Variants in PITPNM1 observed in about 807,000 individuals in gnomAD.
PITPNM1 encodes membrane-associated phosphatidylinositol transfer protein 1.
A neutral mutation model predicts 133.3 loss-of-function variants in PITPNM1; 74 were observed. That is an observed-to-expected ratio of 0.56 (90% CI 0.46 to 0.67). The LOEUF (loss-of-function observed/expected upper bound fraction) is 0.67. Among genes scored for constraint, PITPNM1 ranks in the 30% least tolerant of loss-of-function variants. The pLI, the probability that PITPNM1 is intolerant of heterozygous loss-of-function variation, is 0.00. For synonymous variants in PITPNM1, 738 were observed against 741.4 expected, an observed-to-expected ratio of 1.00 and a Z score of 0.08; for missense variants, 1,398 against 1,739.5, an observed-to-expected ratio of 0.80 and a Z score of 3.49.
intron 17 of PITPNM1, 52 bp downstream of exon 17, chr11:67,495,025 G>A (rs1490556316): frequency 3.1e-6 from 5 of 1,606,802 alleles, no homozygotes; most frequent in Non-Finnish European, 2.6e-6. Flanking sequence ...CCGGCCCAAA[G>A]CAGCCCATCC....
chr11:67,492,792 C>G (rs965946861), intron 23 of PITPNM1, 142 bp downstream of exon 23: 2 of 1,097,302 alleles, frequency 1.8e-6, no homozygotes, highest in African/African-American at 3.2e-5. Context: ...GCTCATGGCC[C>G]TTGTCCTCGG....
chr11:67,492,621 A>G (rs546167831), intron 23 of PITPNM1, among the ~76,000 whole-genome samples: 8 of 152,378 alleles, frequency 5.3e-5, no homozygotes, highest in Non-Finnish European at 1.0e-4. Context: ...ATAAGCTGAC[A>G]TGGGCAGTGC....
upstream of PITPNM1, among the ~76,000 whole-genome samples, chr11:67,505,987 G>A (rs1866499486): frequency 6.6e-6 from 1 of 152,222 alleles, no homozygotes; most frequent in Admixed American, 6.5e-5. The surrounding 1 kb of genome is among the most constrained non-coding windows in gnomAD (Gnocchi z 5.8). Flanking sequence ...GGGTTCATGG[G>A]ATCCCACCCA....
rs909982917 is a variant in PITPNM1, at chr11:67,500,318, A to C, written c.744T>G (p.Thr248=). 1 of 1,611,954 alleles carries C rather than the reference A, an allele frequency of 6.2e-7. No homozygotes were observed. Among genetic ancestry groups the C allele is most frequent in the African/African-American group, 1.3e-5 (1 of 75,054 alleles). Residue 248 remains threonine, a synonymous_variant, in exon 6 of 24, where the codon ACT becomes ACG. Transcript: ENST00000356404. ...MADIRALEEE[T]ARMLAQRMAK... ...CCATGCGCTGGGCCAGCATGCGAGC[A>C]GTCTCCTCTTCCAGTGCCCGGATGT...
intron 19 of PITPNM1, 80 bp downstream of exon 19, chr11:67,494,164 C>A: frequency 6.3e-7 from 1 of 1,576,022 alleles, no homozygotes; most frequent in South Asian, 1.1e-5. Context: ...TCTAGGGGCA[C>A]AACCACCAGG....
rs772201865 is a variant in PITPNM1, at chr11:67,504,205, C to T, written c.-25G>A. 2 of 1,562,680 alleles carry T rather than the reference C, an allele frequency of 1.3e-6. No homozygotes were observed. The highest frequency in any genetic ancestry group is 1.7e-6 in the Non-Finnish European group (2 of 1,154,116). ...TCCTGAAGGCGCTCGGCGGGCCGCGCGCGGCCTCCGCTCCTCCTGGCGCAG... is the reference window on the plus strand; with the variant it reads ...TCCTGAAGGCGCTCGGCGGGCCGCGTGCGGCCTCCGCTCCTCCTGGCGCAG... On this transcript the variant is annotated 5_prime_UTR_variant, in exon 2 of 24. Coordinates refer to ENST00000356404, the MANE Select transcript of PITPNM1 (RefSeq NM_004910.3). The surrounding 1 kb of genome is among the most constrained non-coding windows in gnomAD (Gnocchi z 5.4).
In PITPNM1 at chr11:67,502,704, C is replaced by T; in HGVS notation, c.93G>A (p.Glu31=). ...CGCCGCTGCCCTCACCACTAGACTC[C>T]TCCCGGCTCTTTTTCTGTGGCCCAA... ...QLYMIQKKSR[E]ESSGEGSGVE... Residue 31 remains glutamate, a synonymous_variant, in exon 3 of 24, where the codon GAG becomes GAA. Transcript: ENST00000356404. This position sits in a 1 kb window ranked among gnomAD's most constrained non-coding sequence, Gnocchi z 5.9. 6.2e-7 allele frequency: 1 copy of T among 1,612,442 alleles called. No homozygotes were observed.
chr11:67,497,550 T>G lies in PITPNM1; in HGVS notation c.1912A>C (p.Ser638Arg), dbSNP rs755363409. 1 of 1,610,272 alleles carries G rather than the reference T, an allele frequency of 6.2e-7. No homozygotes were observed. Reference protein sequence around the residue: ...PPQRIPSDMASPEPEGSQNSL... With the variant: ...PPQRIPSDMARPEPEGSQNSL... Reference sequence around the variant, plus strand: ...TTCTGAGAGCCCTCGGGCTCAGGACTGGCCATGTCGCTGGGGATGCGCTGG... The same window carrying G: ...TTCTGAGAGCCCTCGGGCTCAGGACGGGCCATGTCGCTGGGGATGCGCTGG... The change falls in exon 13 of 24, where the codon AGT becomes CGT. Residue 638 changes from serine to arginine, a missense_variant. Ser to Arg is a moderately radical substitution (Grantham distance 110, BLOSUM62 -1). This residue lies in a region of PITPNM1 where 574 missense variants were observed against 698.7 expected (regional missense o/e 0.82). Coordinates refer to ENST00000356404, the MANE Select transcript of PITPNM1 (RefSeq NM_004910.3).
Position 67,495,712 on chromosome 11 carries a change from C to T in PITPNM1, c.2318-110G>A, listed in dbSNP as rs1866097717. On this transcript the variant is annotated intron_variant, in intron 15 of 23. Coordinates refer to ENST00000356404, the MANE Select transcript of PITPNM1 (RefSeq NM_004910.3). Reference sequence around the variant, plus strand: ...CTTCCTGTGGCCCCTCTGGTCAGGTCCTGGCTGAGGCTGCACTGTGGCATT... The same window carrying T: ...CTTCCTGTGGCCCCTCTGGTCAGGTTCTGGCTGAGGCTGCACTGTGGCATT... The T allele has an allele frequency of 4.6e-6, 5 of 1,098,048 alleles. No homozygotes were observed. The South Asian group carries it at 5.3e-5, about 12-fold the overall frequency. 68.0% of individuals were successfully genotyped at this position (1,098,048 alleles called of 1,614,324 possible). A position where few individuals can be genotyped will look rare whatever the true frequency, so the allele number is the denominator to read the frequency against.
In PITPNM1 at chr11:67,493,699, C is replaced by T; in HGVS notation, c.3147G>A (p.Val1049=). The T allele has an allele frequency of 6.5e-7, 1 of 1,546,682 alleles. No homozygotes were observed. The highest frequency in any genetic ancestry group is 1.2e-5 in the South Asian group (1 of 84,018). The change falls in exon 21 of 24, where the codon GTG becomes GTA. Residue 1049 remains valine, a synonymous_variant. Transcript: ENST00000356404. ...GTGGCAACTCCTACCTGACCACGTC[C>T]ACGGCGCCAGCTCGCACCTTGGGGT... is the stretch of plus-strand genomic sequence containing the variant. ...GSDPKVRAGA[V]DVVRHWQDSG...
chr11:67,495,028 G>A, intron 17 of PITPNM1, 49 bp downstream of exon 17: 2 of 1,607,032 alleles, frequency 1.2e-6, no homozygotes, highest in Non-Finnish European at 1.7e-6. Flanking sequence ...GCCCAAAGCA[G>A]CCCATCCCCG....
At position 67,502,506 on chromosome 11, in the gene PITPNM1, G is replaced by C. The variant is rs757879161; in HGVS notation, c.291C>G (p.Thr97=). ...ESWNAYPYTR[T]RYTCPFVEKF... is the part of the protein sequence containing the mutation. ...CCATGCCCAGCTCACCCACTCACCGGGTTCGGGTGTAGGGGTAGGCATTCC... is the reference window on the plus strand; with the variant it reads ...CCATGCCCAGCTCACCCACTCACCGCGTTCGGGTGTAGGGGTAGGCATTCC... Residue 97 remains threonine, a splice_region_variant and synonymous_variant, in exon 3 of 24, where the codon ACC becomes ACG. Transcript: ENST00000356404. This position sits in a 1 kb window ranked among gnomAD's most constrained non-coding sequence, Gnocchi z 5.9. The C allele has an allele frequency of 6.2e-7, 1 of 1,613,770 alleles. No individual in the cohort carries two copies. Among genetic ancestry groups the C allele is most frequent in the South Asian group, 1.1e-5 (1 of 91,090 alleles).
chr11:67,494,441 C>A, intron 18 of PITPNM1, 81 bp from the exon 19 acceptor site: 1 of 915,064 alleles, frequency 1.1e-6, no homozygotes. Context: ...AGGATCCACA[C>A]GCAAACACCG....
chr11:67,502,130 GC>G lies in PITPNM1; in HGVS notation c.416-45del. 1 of 1,583,428 alleles carries G rather than the reference GC, an allele frequency of 6.3e-7. No homozygotes were observed. Reference sequence around the variant, plus strand: ...CATTGAGCAGCGCCAGCCCCTTTGAGCCCCCGCTCCTGGCACCCTCTTGGGA... The same window carrying G: ...CATTGAGCAGCGCCAGCCCCTTTGAGCCCCGCTCCTGGCACCCTCTTGGGA... On this transcript the variant is annotated intron_variant, in intron 4 of 23. Transcript: ENST00000356404. This position sits in a 1 kb window ranked among gnomAD's most constrained non-coding sequence, Gnocchi z 5.9.
chr11:67,500,076 C>A lies in PITPNM1; in HGVS notation c.967+19G>T, dbSNP rs759608214. ...GCCTGGGGAGGGCCGTTCCTCCCAT[C>A]CCTGTGCCCCAGCCTCACCTCCATG... On this transcript the variant is annotated intron_variant, in intron 6 of 23. Transcript: ENST00000356404. 1 of 1,600,276 alleles carries A rather than the reference C, an allele frequency of 6.2e-7. No individual in the cohort carries two copies. Among genetic ancestry groups the A allele is most frequent in the South Asian group, 1.1e-5 (1 of 90,818 alleles).
In PITPNM1 at chr11:67,498,115, C is replaced by T. The variant is rs962723900; in HGVS notation, c.1674+18G>A. On this transcript the variant is annotated intron_variant, in intron 11 of 23. Coordinates refer to ENST00000356404, the MANE Select transcript of PITPNM1 (RefSeq NM_004910.3). This position sits in a 1 kb window ranked among gnomAD's most constrained non-coding sequence, Gnocchi z 5.7. ...GCTGCAGTGGAGGGCAGCAGATGGA[C>T]TGTCCCTAACCGCTGACCTGCCCAC... The T allele has an allele frequency of 4.3e-6, 7 of 1,611,422 alleles. No individual in the cohort carries two copies. The Admixed American group carries it at 6.7e-5, about 15-fold the overall frequency.
chr11:67,498,094 C>T lies in PITPNM1; in HGVS notation c.1674+39G>A, dbSNP rs1436882861. On this transcript the variant is annotated intron_variant, in intron 11 of 23. Coordinates refer to ENST00000356404, the MANE Select transcript of PITPNM1 (RefSeq NM_004910.3). This position sits in a 1 kb window ranked among gnomAD's most constrained non-coding sequence, Gnocchi z 5.7. ...CCAGGCCAGACTACAGTGGGGGCTG[C>T]AGTGGAGGGCAGCAGATGGACTGTC... The T allele has an allele frequency of 1.2e-6, 2 of 1,608,400 alleles. No homozygotes were observed. The highest frequency in any genetic ancestry group is 8.5e-7 in the Non-Finnish European group (1 of 1,178,080).
chr11:67,491,956 C>G lies in PITPNM1; in HGVS notation c.*77G>C. Reference sequence around the variant, plus strand: ...CAGCGCTGGGGCCAAAAGTCTGGGTCCCCAGCCTCCCACACGCAGCCCCTC... The same window carrying G: ...CAGCGCTGGGGCCAAAAGTCTGGGTGCCCAGCCTCCCACACGCAGCCCCTC... On this transcript the variant is annotated 3_prime_UTR_variant, in exon 24 of 24. Transcript: ENST00000356404. 1 of 1,515,602 alleles carries G rather than the reference C, an allele frequency of 6.6e-7. No individual in the cohort carries two copies. The highest frequency in any genetic ancestry group is 8.9e-7 in the Non-Finnish European group (1 of 1,121,094). 93.9% of individuals were successfully genotyped at this position (1,515,602 alleles called of 1,614,324 possible).
chr11:67,493,674 G>T lies in PITPNM1; in HGVS notation c.3158+14C>A, dbSNP rs1035655640. On this transcript the variant is annotated intron_variant, in intron 21 of 23. Transcript: ENST00000356404. The stretch of plus-strand genomic sequence containing the variant: ...CCCGGTGAAATGGGTGGTGGTGGCA[G>T]TGGCAACTCCTACCTGACCACGTCC... The T allele has an allele frequency of 5.2e-6, 8 of 1,545,486 alleles. No homozygotes were observed. The highest frequency in any genetic ancestry group is 1.4e-5 in the African/African-American group (1 of 73,052).
Sources: allele counts gnomAD v4.1 joint callset (sites outside exome capture counted in the v4.1 genomes callset), GRCh38; gene constraint gnomAD v4.1.1; regional missense constraint gnomAD v4.1.1; non-coding constraint Gnocchi (gnomAD v3.1); transcripts MANE v1.5; gene names NCBI Gene and HGNC (gene_info 2026-07-23, HGNC 2026-07-21).